Variants in CAMKMT observed in about 807,000 individuals in gnomAD.
CAMKMT encodes CaM KMT.
Under a neutral mutation model 48.0 loss-of-function variants are expected in CAMKMT, and 53 were observed. The observed-to-expected ratio is 1.10, with a 90% confidence interval of 0.89 to 1.39. The LOEUF is 1.39. Among genes scored for constraint, CAMKMT ranks in the 40% most tolerant of loss-of-function variants. CAMKMT has a pLI of 0.00. For synonymous variants in CAMKMT, 165 were observed against 152.3 expected (o/e 1.08, Z -0.61); for missense variants, 428 against 402.7 (o/e 1.06, Z -0.54).
chr2:44,456,737 C>T, intron 3 of CAMKMT: 1 of 807,500 alleles, frequency 1.2e-6, no homozygotes, highest in Non-Finnish European at 1.8e-6. Context: ...TAGCAGAAAT[C>T]CTCATGCTAA....
Position 44,488,843 on chromosome 2 carries a change from TTGTGTGTG to T in CAMKMT, c.376+98566_376+98573del, listed in dbSNP as rs142299931. On this transcript the variant is annotated intron_variant, in intron 3 of 10. Coordinates refer to ENST00000378494, the MANE Select transcript of CAMKMT (RefSeq NM_024766.5). ...AAAAATTAGAAAAGCCTTAGGGTAT[TTGTGTGTG>T]TGTGTGTGTGTGTGTGTGTGTGTGT... Among the ~76,000 whole-genome samples, 22 of 142,060 alleles carry T rather than the reference TTGTGTGTG, an allele frequency of 1.5e-4. No homozygotes were observed. In the South Asian group the frequency reaches 2.8e-3, roughly 18 times the overall value. The allele number at this position is 142,060 out of a possible 152,430, so 93.2% of individuals were successfully genotyped here. A position where few individuals can be genotyped will look rare whatever the true frequency, so the allele number is the denominator to read the frequency against.
intron 3 of CAMKMT, among the ~76,000 whole-genome samples, chr2:44,422,177 T>A (rs1057381235): frequency 1.3e-4 from 20 of 152,186 alleles, no homozygotes; most frequent in African/African-American, 4.8e-4. Context: ...TCTGGTTGTT[T>A]AAAAGTGTGT....
rs367980173 is a variant in CAMKMT, at chr2:44,418,062, C to A, written c.376+27757C>A. Among the ~76,000 whole-genome samples the A allele has an allele frequency of 8.7e-4, 133 of 152,014 alleles. 2 individuals are homozygous for A. The highest frequency in any genetic ancestry group is 6.6e-3 in the East Asian group (34 of 5,172). On this transcript the variant is annotated intron_variant, in intron 3 of 10. Transcript: ENST00000378494. ...TAAAAAGTAGTCGGGCATGGTGGCA[C>A]GTGCCTATAATCCCAAATACTCTGG...
intron 3 of CAMKMT, among the ~76,000 whole-genome samples, chr2:44,588,267 A>G (rs1670007281): frequency 2.6e-5 from 1 of 37,890 alleles, no homozygotes; most frequent in African/African-American, 9.4e-5. Flanking sequence ...GGAAGTGAGG[A>G]GCGTCTCCGC....
chr2:44,517,416 C>T (rs1285129643), intron 3 of CAMKMT, among the ~76,000 whole-genome samples: 1 of 152,118 alleles, frequency 6.6e-6, no homozygotes, highest in Non-Finnish European at 1.5e-5. Context: ...AGCAGACTCT[C>T]CTAATTTTCA....
At chr2:44,406,193 T>G (rs1424453199) in intron 3 of CAMKMT, among the ~76,000 whole-genome samples, 1 of 152,214 alleles carries the variant, frequency 6.6e-6, no homozygotes, top group Admixed American at 6.5e-5. Context: ...TGTGTTTTAG[T>G]ATGCCTCTAA....
chr2:44,523,978 T>A lies in CAMKMT; in HGVS notation c.376+133673T>A, dbSNP rs537305291. Reference sequence around the variant, plus strand: ...TTTTAGTAGAGATGGGGTTTCATCATGTTGGCCAGGCTGGTCTCAAACTCC... The same window carrying A: ...TTTTAGTAGAGATGGGGTTTCATCAAGTTGGCCAGGCTGGTCTCAAACTCC... On this transcript the variant is annotated intron_variant, in intron 3 of 10. Transcript: ENST00000378494. Among the ~76,000 whole-genome samples, 460 of 151,960 alleles carry A rather than the reference T, an allele frequency of 3.0e-3. 2 individuals are homozygous for A. Among genetic ancestry groups the A allele is most frequent in the African/African-American group, 0.011 (444 of 41,434 alleles).
intron 3 of CAMKMT, among the ~76,000 whole-genome samples, chr2:44,481,417 C>A (rs919587441): frequency 6.6e-6 from 1 of 151,976 alleles, no homozygotes; most frequent in African/African-American, 2.4e-5. Flanking sequence ...AGGCAAGGCT[C>A]TTCAGGTCAT....
chr2:44,613,320 C>T (rs575777618), intron 3 of CAMKMT, among the ~76,000 whole-genome samples: 1 of 152,222 alleles, frequency 6.6e-6, no homozygotes, highest in African/African-American at 2.4e-5. Flanking sequence ...GAATGCCATA[C>T]CCCACCTCTC....
chr2:44,381,529 A>G (rs550751459), intron 2 of CAMKMT, among the ~76,000 whole-genome samples: 2 of 152,334 alleles, frequency 1.3e-5, no homozygotes, highest in East Asian at 3.9e-4. Flanking sequence ...AAGAATGTTC[A>G]CTGCAGCAGT....
intron 3 of CAMKMT, among the ~76,000 whole-genome samples, chr2:44,441,108 T>C (rs1396422283): frequency 6.6e-6 from 1 of 152,246 alleles, no homozygotes; most frequent in East Asian, 1.9e-4. Flanking sequence ...TCCTTAACAA[T>C]TTTTTTCTCA....
chr2:44,495,552 A>G (rs759982936), intron 3 of CAMKMT, among the ~76,000 whole-genome samples: 2 of 152,252 alleles, frequency 1.3e-5, no homozygotes, highest in African/African-American at 2.4e-5. Flanking sequence ...ATTGTTAAAA[A>G]TGTCATCACA....
chr2:44,550,805 A>T (rs1667671822), intron 3 of CAMKMT: 1 of 152,208 alleles, frequency 6.6e-6, no homozygotes, highest in Non-Finnish European at 1.5e-5. Context: ...ACATTGATTG[A>T]GGAGGCATTT....
chr2:44,585,339 A>G (rs892440901), intron 3 of CAMKMT, among the ~76,000 whole-genome samples: 2 of 152,216 alleles, frequency 1.3e-5, no homozygotes, highest in Non-Finnish European at 2.9e-5. Flanking sequence ...ACATTTAGGA[A>G]GCAATTCAGC....
intron 3 of CAMKMT, among the ~76,000 whole-genome samples, chr2:44,505,911 A>C (rs1251085276): frequency 6.6e-6 from 1 of 151,886 alleles, no homozygotes; most frequent in Non-Finnish European, 1.5e-5. Context: ...TCTGTTGCCC[A>C]GGCTGAAGTG....
intron 7 of CAMKMT, among the ~76,000 whole-genome samples, chr2:44,742,357 C>T (rs1293556538): frequency 2.0e-5 from 3 of 152,178 alleles, no homozygotes; most frequent in Admixed American, 1.3e-4. Context: ...CTGGGTGTTA[C>T]TGGACTTGTG....
intron 3 of CAMKMT, among the ~76,000 whole-genome samples, chr2:44,630,217 C>T (rs1672735626): frequency 6.6e-6 from 1 of 150,662 alleles, no homozygotes; most frequent in South Asian, 2.1e-4. Context: ...AACTGGATCC[C>T]TTCCTTACAC....
At position 44,576,636 on chromosome 2, in the gene CAMKMT, A is replaced by G. The variant is rs533056667; in HGVS notation, c.377-127647A>G. ...TGATTTTGTGACTTACACTGATAGC[A>G]TTCAGCAACCACAGGAGTAGGTGAG... On this transcript the variant is annotated intron_variant, in intron 3 of 10. Transcript: ENST00000378494. Among the ~76,000 whole-genome samples, 6 of 152,338 alleles carry G rather than the reference A, an allele frequency of 3.9e-5. No individual in the cohort carries two copies. In the East Asian group the frequency reaches 1.2e-3, roughly 29 times the overall value.
intron 3 of CAMKMT, among the ~76,000 whole-genome samples, chr2:44,661,081 G>A (rs115798622): frequency 0.019 from 2,853 of 152,030 alleles, 43 homozygotes; most frequent in Non-Finnish European, 0.028. Flanking sequence ...ATTTTTATTT[G>A]TGTGTGTTGC....
Sources: gnomAD v4.1 joint callset for allele counts (sites outside exome capture counted in the v4.1 genomes callset) on GRCh38, gnomAD v4.1.1 for gene constraint, MANE v1.5 for transcripts, NCBI Gene and HGNC (gene_info 2026-07-23, HGNC 2026-07-21) for gene names.